The following SLC29A4 variants were observed in gnomAD, a reference collection of about 807,000 sequenced individuals.
The protein encoded by SLC29A4 is equilibrative nucleoside transporter 4.
In SLC29A4, 36 loss-of-function variants were observed where a neutral mutation model predicts 43.9. That is an observed-to-expected ratio of 0.82 (90% CI 0.63 to 1.08). The LOEUF is 1.08. SLC29A4 is among the 50% of genes least tolerant of loss of function. SLC29A4 has a pLI of 0.00. For synonymous variants in SLC29A4, 491 were observed against 338.0 expected, an observed-to-expected ratio of 1.45 and a Z score of -4.97; for missense variants, 869 against 755.3, an observed-to-expected ratio of 1.15 and a Z score of -1.77.
intron 2 of SLC29A4, among the ~76,000 whole-genome samples, chr7:5,290,310 G>A (rs1204772660): frequency 5.3e-5 from 8 of 152,172 alleles, no homozygotes; most frequent in South Asian, 2.1e-4. Context: ...TGATCCGCCC[G>A]TCTTGGCCTC....
chr7:5,297,155 G>C lies in SLC29A4; in HGVS notation c.839G>C (p.Gly280Ala). 1 of 1,600,208 alleles carries C rather than the reference G, an allele frequency of 6.2e-7. No homozygotes were observed. Among genetic ancestry groups the C allele is most frequent in the Non-Finnish European group, 8.5e-7 (1 of 1,177,482 alleles). The change falls in exon 7 of 11, where the codon GGC becomes GCC. Residue 280 changes from glycine (G) to alanine (A), a missense_variant. Transcript: ENST00000396872. The part of the protein sequence containing the change: ...RGRPGLGRGY[G>A]YRVHHDVVAG... ...AGGCCAGGCCTGGGCAGGGGCTATG[G>C]CTACCGCGTGCACCACGACGTTGTC...
chr7:5,295,707 G>A (rs1312895652), intron 6 of SLC29A4, among the ~76,000 whole-genome samples: 2 of 152,206 alleles, frequency 1.3e-5, no homozygotes, highest in Non-Finnish European at 2.9e-5. Flanking sequence ...TTCTCCCCTT[G>A]GGGGCGTTCT....
At position 5,303,437 on chromosome 7, in the gene SLC29A4, C is replaced by T. The variant is rs1786312189; in HGVS notation, c.*498C>T. ...GGAGAGGGGCAGCCCCCCACCTTGT[C>T]ACCCTCAGGGCTTCCCCTTCTGTCC... On this transcript the variant is annotated 3_prime_UTR_variant, in exon 11 of 11. Coordinates refer to ENST00000396872, the MANE Select transcript of SLC29A4 (RefSeq NM_153247.4). 1 of 177,822 alleles carries T rather than the reference C, an allele frequency of 5.6e-6. No homozygotes were observed. The highest frequency in any genetic ancestry group is 6.1e-5 in the Admixed American group (1 of 16,272). 11.0% of individuals were successfully genotyped at this position (177,822 alleles called of 1,614,324 possible).
In SLC29A4 at chr7:5,303,156, G is replaced by A; in HGVS notation, c.*217G>A. On this transcript the variant is annotated 3_prime_UTR_variant, in exon 11 of 11. Coordinates refer to ENST00000396872, the MANE Select transcript of SLC29A4 (RefSeq NM_153247.4). ...ACACGTTTCTGCGACCCGGGGCTCT[G>A]GCCAGCACTGTGTTCTGCGTTTGGT... is the stretch of plus-strand genomic sequence containing the variant. 2 of 614,892 alleles carry A rather than the reference G, an allele frequency of 3.3e-6. No individual in the cohort carries two copies. The highest frequency in any genetic ancestry group is 2.8e-6 in the Non-Finnish European group (1 of 352,902). 38.1% of individuals were successfully genotyped at this position (614,892 alleles called of 1,614,324 possible).
chr7:5,300,038 C>T (rs192695974), intron 9 of SLC29A4, among the ~76,000 whole-genome samples: 7 of 152,086 alleles, frequency 4.6e-5, no homozygotes, highest in Non-Finnish European at 7.4e-5. Flanking sequence ...GGTGACAGCA[C>T]GAGACTCTGT....
At position 5,297,111 on chromosome 7, in the gene SLC29A4, G is replaced by T; in HGVS notation, c.795G>T (p.Pro265=). The T allele has an allele frequency of 2.5e-6, 4 of 1,607,236 alleles. No homozygotes were observed. Among genetic ancestry groups the T allele is most frequent in the Non-Finnish European group, 2.5e-6 (3 of 1,179,658 alleles). ...TCGTGCTCTTCTATACCACACGGCC[G>T]CGTGACAGCCACCGGGGCAGGCCAG... The part of the protein sequence containing the change: ...SRFVLFYTTR[P]RDSHRGRPGL... The change falls in exon 7 of 11, where the codon CCG becomes CCT. Residue 265 remains proline, a synonymous_variant. Coordinates refer to ENST00000396872, the MANE Select transcript of SLC29A4 (RefSeq NM_153247.4).
chr7:5,294,817 T>G (rs1583664267), intron 5 of SLC29A4, 43 bp from the exon 6 acceptor site: 2 of 1,589,822 alleles, frequency 1.3e-6, no homozygotes, highest in East Asian at 4.5e-5. Context: ...AGTTGACAGG[T>G]GATAATGGTG....
In SLC29A4 at chr7:5,283,061, C is replaced by A. The variant is rs1454643223; in HGVS notation, c.-30C>A. The A allele has an allele frequency of 3.4e-5, 5 of 146,936 alleles. No individual in the cohort carries two copies. The allele number at this position is 146,936 out of a possible 1,614,324, so 9.1% of individuals were successfully genotyped here. A position where few individuals can be genotyped will look rare whatever the true frequency, so the allele number is the denominator to read the frequency against. ...GGCGGCGTGGCGGGCGCGCCGAGGACCCCAGGCCGGGCCGGGCCGAGGTAA... is the reference window on the plus strand; with the variant it reads ...GGCGGCGTGGCGGGCGCGCCGAGGAACCCAGGCCGGGCCGGGCCGAGGTAA... On this transcript the variant is annotated 5_prime_UTR_variant, in exon 1 of 11. Transcript: ENST00000396872.
In SLC29A4 at chr7:5,303,727, C is replaced by T. The variant is rs1786333414; in HGVS notation, c.*788C>T. The T allele has an allele frequency of 1.3e-5, 2 of 152,314 alleles. No individual in the cohort carries two copies. Among genetic ancestry groups the T allele is most frequent in the African/African-American group, 2.4e-5 (1 of 41,436 alleles). 9.4% of individuals were successfully genotyped at this position (152,314 alleles called of 1,614,324 possible). A position where few individuals can be genotyped will look rare whatever the true frequency, so the allele number is the denominator to read the frequency against. Reference sequence around the variant, plus strand: ...GTCTGGGGGCTACGAAGCCGGGCCCCCACACCCTGGCTGAAGTCAGCTTGA... The same window carrying T: ...GTCTGGGGGCTACGAAGCCGGGCCCTCACACCCTGGCTGAAGTCAGCTTGA... On this transcript the variant is annotated 3_prime_UTR_variant, in exon 11 of 11. Transcript: ENST00000396872.
chr7:5,285,601 T>C (rs1050122079), intron 1 of SLC29A4, among the ~76,000 whole-genome samples: 9 of 152,168 alleles, frequency 5.9e-5, no homozygotes, highest in Middle Eastern at 3.4e-3. Flanking sequence ...TGGTAACTGA[T>C]CATGAAAACC....
At chr7:5,289,885 ATTTTATT>A (rs1309250521) in intron 2 of SLC29A4, among the ~76,000 whole-genome samples, 2 of 151,790 alleles carry the variant, frequency 1.3e-5, no homozygotes, top group Admixed American at 6.6e-5. Context: ...ATATCCTATA[ATTTTATT>A]TTTTATTTTT....
chr7:5,288,133 A>G (rs944818045), intron 2 of SLC29A4, 148 bp downstream of exon 2: 3 of 1,093,018 alleles, frequency 2.7e-6, no homozygotes, highest in Non-Finnish European at 3.8e-6. Context: ...GATCTGCTGC[A>G]TAACAAACAC....
chr7:5,306,756 TACTCCAGCCCCTGAAATAAACC>T lies in SLC29A4; in HGVS notation c.*3825_*3846del, dbSNP rs1786542034. Reference sequence around the variant, plus strand: ...GCAGAATGCCCCCAGACACCACCCCTACTCCAGCCCCTGAAATAAACCACTCCAGACAATTTTATTTTTCCAA... The same window carrying T: ...GCAGAATGCCCCCAGACACCACCCCTACTCCAGACAATTTTATTTTTCCAA... On this transcript the variant is annotated 3_prime_UTR_variant, in exon 11 of 11. Transcript: ENST00000396872. The T allele has an allele frequency of 6.6e-6, 1 of 152,046 alleles. No homozygotes were observed. The highest frequency in any genetic ancestry group is 6.6e-5 in the Admixed American group (1 of 15,260). 9.4% of individuals were successfully genotyped at this position (152,046 alleles called of 1,614,324 possible). A position where few individuals can be genotyped will look rare whatever the true frequency, so the allele number is the denominator to read the frequency against.
At chr7:5,298,716 C>A (rs534587198) in intron 7 of SLC29A4, among the ~76,000 whole-genome samples, 44 of 152,232 alleles carry the variant, frequency 2.9e-4, no homozygotes, top group African/African-American at 9.9e-4. Context: ...GGGAGGATTG[C>A]CTGAGCCCAG....
At chr7:5,298,629 A>C (rs1345270853) in intron 7 of SLC29A4, among the ~76,000 whole-genome samples, 1 of 152,138 alleles carries the variant, frequency 6.6e-6, no homozygotes, top group African/African-American at 2.4e-5. Context: ...CTGTGTCTAC[A>C]AAAAAGAAAA....
chr7:5,285,976 C>G (rs931682025), intron 1 of SLC29A4, among the ~76,000 whole-genome samples: 3 of 152,096 alleles, frequency 2.0e-5, no homozygotes, highest in African/African-American at 7.2e-5. Flanking sequence ...CGCCACTGCA[C>G]TCCAGCCTTG....
chr7:5,284,015 C>A (rs528440790), intron 1 of SLC29A4, among the ~76,000 whole-genome samples: 7 of 148,450 alleles, frequency 4.7e-5, no homozygotes, highest in African/African-American at 1.8e-4. Context: ...GGGCCAGGCT[C>A]CAGTCTGAGC....
intron 10 of SLC29A4, among the ~76,000 whole-genome samples, chr7:5,301,708 T>TCG (rs1786177586): frequency 6.6e-6 from 1 of 152,106 alleles, no homozygotes; most frequent in Non-Finnish European, 1.5e-5. Context: ...ATTCCAGGTC[T>TCG]TGTTTGGACG....
intron 5 of SLC29A4, among the ~76,000 whole-genome samples, chr7:5,293,306 G>A (rs1244639098): frequency 6.6e-6 from 1 of 151,616 alleles, no homozygotes; most frequent in African/African-American, 2.4e-5. Context: ...CGAGTAGCTG[G>A]GACTGCAGGC....
Sources: gnomAD v4.1 joint callset for allele counts (sites outside exome capture counted in the v4.1 genomes callset) on GRCh38, gnomAD v4.1.1 for gene constraint, MANE v1.5 for transcripts, NCBI Gene and HGNC (gene_info 2026-07-23, HGNC 2026-07-21) for gene names.